EPM2A: variants seen among roughly 807,000 people sequenced by gnomAD.
EPM2A encodes the protein EPM2A glucan phosphatase, laforin.
In EPM2A, 21 loss-of-function variants were observed where a neutral mutation model predicts 26.5. The observed-to-expected ratio is 0.79, with a 90% CI of 0.56 to 1.14. The LOEUF (loss-of-function observed/expected upper bound fraction) is 1.14, where lower values mean the gene tolerates loss of function less well. Ranked by LOEUF, EPM2A falls within the 50% of genes most tolerant of loss-of-function variation. The probability of loss-of-function intolerance (pLI) is 0.00; values close to 1 mark genes in which losing one functional copy is unlikely to be tolerated. For synonymous variants in EPM2A, 217 were observed against 177.6 expected, an observed-to-expected ratio of 1.22 and a Z score of -1.76; for missense variants, 458 against 440.8, an observed-to-expected ratio of 1.04 and a Z score of -0.35.
At chr6:145,549,205 C>T (rs1477322234) in intron 2 of EPM2A, among the ~76,000 whole-genome samples, 1 of 152,094 alleles carries the variant, frequency 6.6e-6, no homozygotes, top group African/African-American at 2.4e-5. Context: ...CAGACACTAA[C>T]ATTCTTGCCC....
At chr6:145,640,581 A>G (rs1777016677) in intron 2 of EPM2A, 1 of 152,058 alleles carries the variant, frequency 6.6e-6, no homozygotes, top group African/African-American at 2.4e-5. Flanking sequence ...AAAAGGAAAG[A>G]AAAAAAAGCA....
At chr6:145,497,159 T>G (rs1350584807), downstream of EPM2A, among the ~76,000 whole-genome samples, 1 of 152,228 alleles carries the variant, frequency 6.6e-6, no homozygotes, top group Non-Finnish European at 1.5e-5. Context: ...AGTTTTTGCA[T>G]TCTTGATCTA....
Position 145,627,576 on chromosome 6 carries a change from C to A in EPM2A, c.836G>T (p.Gly279Val), listed in dbSNP as rs1775910863. The change falls in exon 4 of 4, where the codon GGC becomes GTC. Residue 279 changes from glycine (G) to valine (V), a missense_variant. By Grantham distance (109) the Gly-to-Val change is moderately radical. Coordinates refer to ENST00000367519, the MANE Select transcript of EPM2A (RefSeq NM_005670.4). ...CCAGCCCATCACATACTGGAGCCAG[C>A]CGCAGACAGCCGCGGTGGAGCGGCC... ...GVGRSTAAVCGWLQYVMGWNL... is the reference protein window; with the variant it reads ...GVGRSTAAVCVWLQYVMGWNL... 2 of 1,614,120 alleles carry A rather than the reference C, an allele frequency of 1.2e-6. No individual in the cohort carries two copies. Among genetic ancestry groups the A allele is most frequent in the African/African-American group, 1.3e-5 (1 of 74,950 alleles).
chr6:145,511,845 T>C (rs935511265), intron 2 of EPM2A, among the ~76,000 whole-genome samples: 1 of 152,152 alleles, frequency 6.6e-6, no homozygotes, highest in Admixed American at 6.5e-5. Context: ...GACAACATGA[T>C]CACATACCTA....
At chr6:145,497,948 A>G (rs928314418), downstream of EPM2A, among the ~76,000 whole-genome samples, 1 of 152,150 alleles carries the variant, frequency 6.6e-6, no homozygotes, top group African/African-American at 2.4e-5. Flanking sequence ...ACTTCATCCC[A>G]AAGAGAAATC....
intron 2 of EPM2A, among the ~76,000 whole-genome samples, chr6:145,575,162 G>C (rs1159596268): frequency 1.3e-5 from 2 of 152,126 alleles, no homozygotes; most frequent in Non-Finnish European, 2.9e-5. Flanking sequence ...CTCAGACAAA[G>C]GTGGAAAGGC....
chr6:145,470,016 A>G (rs1209994453), intron 4 of EPM2A, among the ~76,000 whole-genome samples: 1 of 152,086 alleles, frequency 6.6e-6, no homozygotes, highest in Non-Finnish European at 1.5e-5. Flanking sequence ...TGATTCCCAG[A>G]GGCTGGGAAG....
intron 2 of EPM2A, among the ~76,000 whole-genome samples, chr6:145,616,726 T>C (rs947364778): frequency 6.6e-6 from 1 of 152,198 alleles, no homozygotes; most frequent in Non-Finnish European, 1.5e-5. Context: ...ACATGAGACA[T>C]GGAGTCAAAG....
chr6:145,443,337 C>T (rs1297697998), intron 4 of EPM2A, among the ~76,000 whole-genome samples: 1 of 152,270 alleles, frequency 6.6e-6, no homozygotes, highest in East Asian at 1.9e-4. Context: ...GCCATTTTAA[C>T]AATATTGATT....
At chr6:145,471,037 T>C (rs572432415) in intron 4 of EPM2A, among the ~76,000 whole-genome samples, 1 of 152,162 alleles carries the variant, frequency 6.6e-6, no homozygotes, top group Non-Finnish European at 1.5e-5. Flanking sequence ...GGCTAGCTGA[T>C]AAAAGTTCAT....
intron 2 of EPM2A, among the ~76,000 whole-genome samples, chr6:145,672,629 C>A (rs542323776): frequency 6.6e-6 from 1 of 152,354 alleles, no homozygotes; most frequent in African/African-American, 2.4e-5. Flanking sequence ...CCTCCCCAGT[C>A]CTAGCAAAAG....
At chr6:145,587,708 A>G (rs1781216871) in intron 2 of EPM2A, among the ~76,000 whole-genome samples, 1 of 152,212 alleles carries the variant, frequency 6.6e-6, no homozygotes, top group Admixed American at 6.5e-5. Flanking sequence ...CATATATTCC[A>G]ATTTTCATTA....
intron 2 of EPM2A, among the ~76,000 whole-genome samples, chr6:145,598,634 G>C (rs1287699501): frequency 1.3e-5 from 2 of 151,826 alleles, no homozygotes; most frequent in Non-Finnish European, 2.9e-5. Flanking sequence ...TCAATTTTTT[G>C]CCTTTCTTGC....
At chr6:145,420,494 TA>T (rs1377406912) in intron 4 of EPM2A, among the ~76,000 whole-genome samples, 24 of 152,108 alleles carry the variant, frequency 1.6e-4, no homozygotes, top group Admixed American at 1.6e-3. Flanking sequence ...TTATAACAGA[TA>T]AAAAACATTT....
intron 2 of EPM2A, among the ~76,000 whole-genome samples, chr6:145,509,737 T>C (rs1780028233): frequency 6.6e-6 from 1 of 152,288 alleles, no homozygotes; most frequent in South Asian, 2.1e-4. Flanking sequence ...ATATCAATAT[T>C]AACCTTGAAT....
intron 4 of EPM2A, among the ~76,000 whole-genome samples, chr6:145,384,709 A>T (rs2114651722): frequency 6.8e-6 from 1 of 147,520 alleles, no homozygotes; most frequent in East Asian, 2.0e-4. Context: ...CAGTCCTGAA[A>T]CATGCATCCT....
At chr6:145,437,422 CA>C (rs1333947373) in intron 4 of EPM2A, among the ~76,000 whole-genome samples, 1 of 152,132 alleles carries the variant, frequency 6.6e-6, no homozygotes, top group Non-Finnish European at 1.5e-5. Flanking sequence ...CAGTCGAATA[CA>C]GCATGTATTT....
At chr6:145,725,405 T>C (rs1331702607) in intron 1 of EPM2A, among the ~76,000 whole-genome samples, 1 of 152,064 alleles carries the variant, frequency 6.6e-6, no homozygotes, top group Non-Finnish European at 1.5e-5. Flanking sequence ...TGAGTAGTCT[T>C]ATCACATGAT....
At chr6:145,539,659 A>G (rs549764695) in intron 2 of EPM2A, among the ~76,000 whole-genome samples, 1 of 152,302 alleles carries the variant, frequency 6.6e-6, no homozygotes, top group South Asian at 2.1e-4. Flanking sequence ...TGATGAAGGG[A>G]CTATAGTTTT....
Sources: gnomAD v4.1 joint callset for allele counts (sites outside exome capture counted in the v4.1 genomes callset) on GRCh38, gnomAD v4.1.1 for gene constraint, MANE v1.5 for transcripts, NCBI Gene and HGNC (gene_info 2026-07-23, HGNC 2026-07-21) for gene names.